Variants in ADGRL3 observed in about 807,000 individuals in gnomAD.
The protein encoded by ADGRL3 is adhesion G protein-coupled receptor L3.
A neutral mutation model predicts 153.5 loss-of-function variants in ADGRL3; 62 were observed. The ratio of observed to expected loss-of-function variants is 0.40; its 90% CI spans 0.33 to 0.50. The LOEUF is 0.50. Among genes scored for constraint, ADGRL3 ranks in the 20% least tolerant of loss-of-function variants. ADGRL3 has a pLI of 0.47. For missense variants in ADGRL3, 1,641 were observed against 1,859.4 expected (o/e 0.88, Z 2.16); for synonymous variants, 710 against 672.5 (o/e 1.06, Z -0.86).
At chr4:61,808,321 T>G (rs2148537201) in intron 8 of ADGRL3, among the ~76,000 whole-genome samples, 1 of 152,282 alleles carries the variant, frequency 6.6e-6, no homozygotes, top group Middle Eastern at 3.4e-3. Context: ...ATAGTTACCT[T>G]GCTTCAAATT....
chr4:61,704,687 C>T (rs1430074616), intron 6 of ADGRL3, among the ~76,000 whole-genome samples: 2 of 152,164 alleles, frequency 1.3e-5, no homozygotes, highest in South Asian at 4.1e-4. Flanking sequence ...TGATACCATT[C>T]GATCCACAGA....
chr4:61,482,292 A>G (rs1216151070), intron 2 of ADGRL3, among the ~76,000 whole-genome samples: 2 of 152,192 alleles, frequency 1.3e-5, no homozygotes, highest in Non-Finnish European at 2.9e-5. Context: ...ATCAGTCATC[A>G]CTGTGAAATT....
rs536951957 is a variant in ADGRL3 at position 61,697,099 on chromosome 4, G to T, written c.583+20164G>T. On this transcript the variant is annotated intron_variant, in intron 6 of 26. Transcript: ENST00000683033. ...AGCATTGATTAAATAATCAATTGAA[G>T]ATTAAATACAAAGGTAACCTCAATA... Among the ~76,000 whole-genome samples, 11 of 152,068 alleles carry T rather than the reference G, an allele frequency of 7.2e-5. No individual in the cohort carries two copies. In the South Asian group the frequency reaches 2.3e-3, roughly 32 times the overall value.
chr4:61,400,307 ATATCAGACCTGT>A, intron 2 of ADGRL3, among the ~76,000 whole-genome samples: 2 of 151,866 alleles, frequency 1.3e-5, no homozygotes, highest in Non-Finnish European at 2.9e-5. Flanking sequence ...TTACTTTACT[ATATCAGACCTGT>A]GTTAAAAAGT....
chr4:61,579,130 T>C (rs2098910942), intron 4 of ADGRL3, among the ~76,000 whole-genome samples: 1 of 152,080 alleles, frequency 6.6e-6, no homozygotes, highest in South Asian at 2.1e-4. Flanking sequence ...GGACCACTCC[T>C]AGACCTGAGA....
rs2098060376 is a variant in ADGRL3 at position 61,476,678 on chromosome 4, C to T, written c.-173-20443C>T. Among the ~76,000 whole-genome samples, 5 of 118,132 alleles carry T rather than the reference C, an allele frequency of 4.2e-5. No homozygotes were observed. The South Asian group carries it at 1.5e-3, about 35-fold the overall frequency. 77.5% of individuals were successfully genotyped at this position (118,132 alleles called of 152,430 possible). A position where few individuals can be genotyped will look rare whatever the true frequency, so the allele number is the denominator to read the frequency against. On this transcript the variant is annotated intron_variant, in intron 2 of 26. Transcript: ENST00000683033. ...GAGCCAAGATCATGCCACTGCACTT[C>T]AGCCTGGGCAACAAGAGCAAGACTC... is the stretch of plus-strand genomic sequence containing the variant.
At chr4:61,498,962 C>A (rs2152816858) in intron 3 of ADGRL3, among the ~76,000 whole-genome samples, 1 of 152,012 alleles carries the variant, frequency 6.6e-6, no homozygotes, top group Admixed American at 6.5e-5. Flanking sequence ...ATAATTATAG[C>A]AAAGAAAAAA....
intron 2 of ADGRL3, among the ~76,000 whole-genome samples, chr4:61,435,669 G>A (rs772877898): frequency 2.7e-5 from 4 of 150,228 alleles, no homozygotes; most frequent in Admixed American, 7.2e-5. Context: ...TACCTTTCAC[G>A]GGGACAATTG....
chr4:61,216,915 A>G (rs1019547598), intron 1 of ADGRL3, among the ~76,000 whole-genome samples: 2 of 152,222 alleles, frequency 1.3e-5, no homozygotes, highest in African/African-American at 4.8e-5. Flanking sequence ...ATAAGCACCC[A>G]ATACATTTTA....
chr4:61,671,921 CT>C (rs765180386), intron 5 of ADGRL3, among the ~76,000 whole-genome samples: 32 of 152,114 alleles, frequency 2.1e-4, no homozygotes, highest in Non-Finnish European at 4.0e-4. Context: ...TCTATTCCAT[CT>C]TCTGTAAAAT....
intron 1 of ADGRL3, among the ~76,000 whole-genome samples, chr4:61,260,901 T>A (rs1422427119): frequency 5.3e-5 from 8 of 152,030 alleles, no homozygotes; most frequent in Non-Finnish European, 1.0e-4. Context: ...AATTTTTGTA[T>A]TTTTTGTAGA....
At position 61,456,375 on chromosome 4, in the gene ADGRL3, CTATA is replaced by C. The variant is rs558941032; in HGVS notation, c.-173-40735_-173-40732del. Among the ~76,000 whole-genome samples, 573 of 110,130 alleles carry C rather than the reference CTATA, an allele frequency of 5.2e-3. 22 individuals are homozygous for C. Among genetic ancestry groups the C allele is most frequent in the African/African-American group, 0.018 (483 of 27,194 alleles). The allele number at this position is 110,130 out of a possible 152,430, so 72.2% of individuals were successfully genotyped here. A position where few individuals can be genotyped will look rare whatever the true frequency, so the allele number is the denominator to read the frequency against. The stretch of plus-strand genomic sequence containing the variant: ...GATATATATAGAGATATAGATATAT[CTATA>C]TATATATATAGATATATCTATATCT... On this transcript the variant is annotated intron_variant, in intron 2 of 26. Transcript: ENST00000683033.
intron 1 of ADGRL3, among the ~76,000 whole-genome samples, chr4:61,366,711 T>C (rs2151601889): frequency 6.6e-6 from 1 of 152,346 alleles, no homozygotes; most frequent in East Asian, 1.9e-4. Context: ...CCATTGTGCT[T>C]ATTAACAGTT....
chr4:61,393,534 A>G (rs1437936099), intron 2 of ADGRL3, among the ~76,000 whole-genome samples: 1 of 152,098 alleles, frequency 6.6e-6, no homozygotes. Flanking sequence ...AATTTTTTTC[A>G]GAATTTAAAA....
chr4:61,541,916 AT>A (rs1469151236), intron 4 of ADGRL3, among the ~76,000 whole-genome samples: 1 of 151,848 alleles, frequency 6.6e-6, no homozygotes, highest in Non-Finnish European at 1.5e-5. Flanking sequence ...TTTTGAAACC[AT>A]TTTAAATCAT....
Position 61,263,460 on chromosome 4 carries a change from G to GAAA in ADGRL3, c.-240+61706_-240+61708dup, listed in dbSNP as rs61654507. On this transcript the variant is annotated intron_variant, in intron 1 of 26. Transcript: ENST00000683033. ...CAGTTGTCTTGCATAGAGTGCATTTGAAAAAAAAAAAAAGACCCTGAAAAA... is the reference window on the plus strand; with the variant it reads ...CAGTTGTCTTGCATAGAGTGCATTTGAAAAAAAAAAAAAAAAGACCCTGAAAAA... Among the ~76,000 whole-genome samples the GAAA allele has an allele frequency of 2.0e-4, 27 of 132,242 alleles. No individual in the cohort carries two copies. The South Asian group carries it at 2.4e-3, about 12-fold the overall frequency. The allele number at this position is 132,242 out of a possible 152,430, so 86.8% of individuals were successfully genotyped here.
intron 2 of ADGRL3, among the ~76,000 whole-genome samples, chr4:61,433,947 C>A (rs1190336365): frequency 6.6e-6 from 1 of 152,138 alleles, no homozygotes; most frequent in Non-Finnish European, 1.5e-5. Flanking sequence ...TGCTCCAGAG[C>A]AAATCCATCC....
rs369791405 is a variant in ADGRL3 at position 61,797,795 on chromosome 4, A to G, written c.1400-16014A>G. ...TTCCCAGTTCTTAATGGATTGGTTA[A>G]TTTTCTCCTTCATGTTCAACTTGTG... On this transcript the variant is annotated intron_variant, in intron 8 of 26. Coordinates refer to ENST00000683033, the MANE Select transcript of ADGRL3 (RefSeq NM_001387552.1). Among the ~76,000 whole-genome samples the G allele has an allele frequency of 7.9e-4, 120 of 152,274 alleles. 1 individual carries two copies. The South Asian group carries it at 0.024, about 31-fold the overall frequency.
intron 21 of ADGRL3, among the ~76,000 whole-genome samples, chr4:62,026,533 A>G (rs1321641822): frequency 6.6e-6 from 1 of 152,064 alleles, no homozygotes; most frequent in African/African-American, 2.4e-5. Context: ...TGATATCTCT[A>G]TTTTTTGATA....
Sources: gnomAD v4.1 joint callset for allele counts (sites outside exome capture counted in the v4.1 genomes callset) on GRCh38, gnomAD v4.1.1 for gene constraint, MANE v1.5 for transcripts, NCBI Gene and HGNC (gene_info 2026-07-23, HGNC 2026-07-21) for gene names.